Variants in ASAP1 observed in about 807,000 individuals in gnomAD.
ASAP1 encodes the protein ArfGAP with SH3 domain, ankyrin repeat and PH domain 1, also known as arf-GAP with SH3 domain, ANK repeat and PH domain-containing protein 1.
A neutral mutation model predicts 145.2 loss-of-function variants in ASAP1; 43 were observed. The observed-to-expected ratio is 0.30, with a 90% confidence interval of 0.23 to 0.38. ASAP1 has a LOEUF of 0.38. Among genes scored for constraint, ASAP1 ranks in the 10% least tolerant of loss-of-function variants. The pLI, the probability that ASAP1 is intolerant of heterozygous loss-of-function variation, is 1.00. For missense variants in ASAP1, 1,018 were observed against 1,355.3 expected, an observed-to-expected ratio of 0.75 and a Z score of 3.91; for synonymous variants, 546 against 515.5, an observed-to-expected ratio of 1.06 and a Z score of -0.80.
At chr8:130,216,843 T>A (rs1364872623) in intron 4 of ASAP1, among the ~76,000 whole-genome samples, 1 of 152,218 alleles carries the variant, frequency 6.6e-6, no homozygotes, top group Non-Finnish European at 1.5e-5. Flanking sequence ...CCATTCTTTT[T>A]CTCACAGTCC....
At chr8:130,078,268 C>G (rs1348329161) in intron 26 of ASAP1, among the ~76,000 whole-genome samples, 2 of 150,998 alleles carry the variant, frequency 1.3e-5, no homozygotes, top group Non-Finnish European at 3.0e-5. Context: ...GGGATTGGTT[C>G]TCCCAAAGTG....
At chr8:130,334,727 A>G (rs1176331185) in intron 3 of ASAP1, among the ~76,000 whole-genome samples, 2 of 152,240 alleles carry the variant, frequency 1.3e-5, no homozygotes, top group African/African-American at 2.4e-5. Flanking sequence ...GCCATGTGCC[A>G]TGTCACAGAG....
chr8:130,299,261 A>T (rs1158954774), intron 3 of ASAP1, among the ~76,000 whole-genome samples: 1 of 152,204 alleles, frequency 6.6e-6, no homozygotes, highest in African/African-American at 2.4e-5. Context: ...CCCACTCTAC[A>T]TTCTGTGGAG....
At position 130,358,216 on chromosome 8, in the gene ASAP1, C is replaced by T; in HGVS notation, c.60-73G>A. The T allele has an allele frequency of 2.2e-6, 3 of 1,376,044 alleles. 1 individual carries two copies. In the African/African-American group the frequency reaches 4.4e-5, roughly 20 times the overall value. 85.2% of individuals were successfully genotyped at this position (1,376,044 alleles called of 1,614,324 possible). A position where few individuals can be genotyped will look rare whatever the true frequency, so the allele number is the denominator to read the frequency against. On this transcript the variant is annotated intron_variant, in intron 2 of 29. Transcript: ENST00000518721. This position sits in a 1 kb window ranked among gnomAD's most constrained non-coding sequence, Gnocchi z 4.1. ...CGCAGGCTCCCGGGGCCGCGGGCCG[C>T]CCGGAGGCTCATGAACCCCGGCGCG...
At chr8:130,269,364 G>C (rs777821974) in intron 3 of ASAP1, among the ~76,000 whole-genome samples, 1 of 152,206 alleles carries the variant, frequency 6.6e-6, no homozygotes, top group African/African-American at 2.4e-5. Context: ...TCTGTGACCT[G>C]ACTGTACCTC....
At chr8:130,291,909 C>G (rs559971371) in intron 3 of ASAP1, among the ~76,000 whole-genome samples, 10 of 152,152 alleles carry the variant, frequency 6.6e-5, no homozygotes, top group Admixed American at 6.5e-4. Context: ...GTAATGTGCA[C>G]GTATTCCGTA....
At chr8:130,231,761 A>G (rs145483634) in intron 4 of ASAP1, among the ~76,000 whole-genome samples, 1 of 152,340 alleles carries the variant, frequency 6.6e-6, no homozygotes, top group Non-Finnish European at 1.5e-5. Context: ...ATTATGAACC[A>G]CATGCTTCCA....
chr8:130,303,229 G>C (rs937291399), intron 3 of ASAP1, among the ~76,000 whole-genome samples: 1 of 152,188 alleles, frequency 6.6e-6, no homozygotes, highest in African/African-American at 2.4e-5. Flanking sequence ...CCTTGCTCCT[G>C]GGGTTGCTGT....
At chr8:130,366,862 C>G (rs552002370) in intron 2 of ASAP1, among the ~76,000 whole-genome samples, 5 of 141,748 alleles carry the variant, frequency 3.5e-5, no homozygotes, top group Non-Finnish European at 7.6e-5. Context: ...TATTTGCATT[C>G]TAAACAGGTA....
intron 15 of ASAP1, among the ~76,000 whole-genome samples, chr8:130,128,634 C>A (rs1349065463): frequency 6.6e-6 from 1 of 152,118 alleles, no homozygotes. Flanking sequence ...GGCATATTAA[C>A]ATGGAAACAT....
At chr8:130,257,331 T>A (rs1276030399) in intron 3 of ASAP1, among the ~76,000 whole-genome samples, 1 of 152,172 alleles carries the variant, frequency 6.6e-6, no homozygotes, top group Non-Finnish European at 1.5e-5. Flanking sequence ...CAATATCCAA[T>A]GACAAGGTCC....
At chr8:130,153,330 T>TAA (rs1316992474) in intron 12 of ASAP1, among the ~76,000 whole-genome samples, 2 of 78,398 alleles carry the variant, frequency 2.6e-5, no homozygotes, top group Non-Finnish European at 4.9e-5. Flanking sequence ...CACTGCTTTT[T>TAA]AAATATATAT....
chr8:130,133,591 G>A (rs1045991600), intron 15 of ASAP1, among the ~76,000 whole-genome samples: 2 of 151,950 alleles, frequency 1.3e-5, no homozygotes, highest in African/African-American at 4.8e-5. Context: ...GGGAAGCGGA[G>A]CTTGCAGTGA....
At chr8:130,069,576 G>A (rs2097437836) in intron 27 of ASAP1, 1 of 152,178 alleles carries the variant, frequency 6.6e-6, no homozygotes, top group Non-Finnish European at 1.5e-5. Flanking sequence ...AAAATAACGT[G>A]TCATTCATGA....
At chr8:130,269,254 A>T (rs568462759) in intron 3 of ASAP1, among the ~76,000 whole-genome samples, 3 of 152,308 alleles carry the variant, frequency 2.0e-5, no homozygotes, top group Non-Finnish European at 4.4e-5. Context: ...CTGTGGATAA[A>T]TTTGAAAGTA....
intron 5 of ASAP1, among the ~76,000 whole-genome samples, chr8:130,204,111 C>G (rs1429390562): frequency 6.6e-6 from 1 of 152,142 alleles, no homozygotes; most frequent in African/African-American, 2.4e-5. Context: ...GAGTTGCGGG[C>G]TATTGAGCGA....
chr8:130,278,640 C>T (rs773538761), intron 3 of ASAP1, among the ~76,000 whole-genome samples: 16 of 152,168 alleles, frequency 1.1e-4, no homozygotes, highest in African/African-American at 1.2e-4. Flanking sequence ...CTGGGACATA[C>T]GATAAAACAG....
chr8:130,328,366 A>T (rs944508028), intron 3 of ASAP1, among the ~76,000 whole-genome samples: 5 of 152,208 alleles, frequency 3.3e-5, no homozygotes, highest in African/African-American at 1.2e-4. Context: ...TGCAGGTGAC[A>T]ACCTTTATAC....
At chr8:130,396,143 C>A (rs566346973) in intron 2 of ASAP1, among the ~76,000 whole-genome samples, 5 of 152,156 alleles carry the variant, frequency 3.3e-5, no homozygotes, top group East Asian at 3.9e-4. Context: ...GAAAAGTGAT[C>A]AAAAAATAAA....
Sources: gnomAD v4.1 joint callset for allele counts (sites outside exome capture counted in the v4.1 genomes callset) on GRCh38, gnomAD v4.1.1 for gene constraint, Gnocchi (gnomAD v3.1) non-coding constraint, MANE v1.5 for transcripts, NCBI Gene and HGNC (gene_info 2026-07-23, HGNC 2026-07-21) for gene names.